Variants in AAGAB observed in about 807,000 individuals in gnomAD.
The protein encoded by AAGAB is alpha- and gamma-adaptin-binding protein p34.
A neutral mutation model predicts 44.1 loss-of-function variants in AAGAB; 38 were observed. That is an observed-to-expected ratio of 0.86 (90% confidence interval 0.67 to 1.13). The LOEUF is 1.13. Ranked by LOEUF, AAGAB falls within the 50% of genes most tolerant of loss-of-function variation. AAGAB has a pLI of 0.00. For synonymous variants in AAGAB, 131 were observed against 131.8 expected, an observed-to-expected ratio of 0.99 and a Z score of 0.04; for missense variants, 450 against 373.8, an observed-to-expected ratio of 1.20 and a Z score of -1.68.
chr15:67,237,099 A>G (rs1048984568), intron 1 of AAGAB, among the ~76,000 whole-genome samples: 1 of 152,180 alleles, frequency 6.6e-6, no homozygotes, highest in African/African-American at 2.4e-5. Flanking sequence ...ACAGTCATAT[A>G]ACCAAATATC....
Position 67,254,626 on chromosome 15 carries a change from A to C in AAGAB, c.6T>G (p.Ala2=). The part of the protein sequence containing the change: M[A]AGVPCALVTS... ...TGACTAACGCACAGGGTACGCCAGCAGCCATAGCTGCGCTCGCGAGCCGGT... is the reference window on the plus strand; with the variant it reads ...TGACTAACGCACAGGGTACGCCAGCCGCCATAGCTGCGCTCGCGAGCCGGT... The change falls in exon 1 of 10, where the codon GCT becomes GCG. Residue 2 remains alanine, a synonymous_variant. Coordinates refer to ENST00000261880, the MANE Select transcript of AAGAB (RefSeq NM_024666.5). 2 of 1,600,912 alleles carry C rather than the reference A, an allele frequency of 1.2e-6. No homozygotes were observed. Among genetic ancestry groups the C allele is most frequent in the Non-Finnish European group, 1.7e-6 (2 of 1,176,116 alleles).
In AAGAB at chr15:67,204,252, G is replaced by A. The variant is rs1451105555; in HGVS notation, c.716-104C>T. On this transcript the variant is annotated intron_variant, in intron 7 of 9. Transcript: ENST00000261880. ...AACCTTGATGAAGTCACCAATGATCGAAGGCCCAGTGTATACCAGCTTTAC... is the reference window on the plus strand; with the variant it reads ...AACCTTGATGAAGTCACCAATGATCAAAGGCCCAGTGTATACCAGCTTTAC... The A allele has an allele frequency of 2.7e-5, 20 of 754,234 alleles. No individual in the cohort carries two copies. The East Asian group carries it at 3.2e-4, about 12-fold the overall frequency. 46.7% of individuals were successfully genotyped at this position (754,234 alleles called of 1,614,324 possible).
chr15:67,239,783 T>C (rs1018219941), intron 1 of AAGAB, among the ~76,000 whole-genome samples: 2 of 152,254 alleles, frequency 1.3e-5, no homozygotes, highest in Non-Finnish European at 2.9e-5. Flanking sequence ...ACACTAAATA[T>C]AGCTTTCTTC....
intron 5 of AAGAB, 125 bp from the exon 6 acceptor site, chr15:67,209,669 T>G: frequency 1.3e-6 from 1 of 751,596 alleles, no homozygotes; most frequent in Non-Finnish European, 2.2e-6. Flanking sequence ...ATATATATTT[T>G]TGAGACAGGG....
chr15:67,236,833 G>T lies in AAGAB; in HGVS notation c.74-13C>A. The T allele has an allele frequency of 6.3e-7, 1 of 1,592,268 alleles. No homozygotes were observed. ...GTTCCAAGGATATCTAAAAATAAAT[G>T]ACAACATTACCATGTAAAGTGCAAA... On this transcript the variant is annotated splice_polypyrimidine_tract_variant and intron_variant, in intron 1 of 9. Transcript: ENST00000261880.
At chr15:67,219,834 A>G (rs1317522522) in intron 5 of AAGAB, among the ~76,000 whole-genome samples, 1 of 152,248 alleles carries the variant, frequency 6.6e-6, no homozygotes, top group African/African-American at 2.4e-5. Flanking sequence ...GTTCTAAGTT[A>G]ATATAGAAGT....
chr15:67,222,242 G>GCGCACACACACACACACACACACACACA (rs1367738219), intron 5 of AAGAB, among the ~76,000 whole-genome samples: 4 of 90,126 alleles, frequency 4.4e-5, no homozygotes, highest in African/African-American at 7.5e-5. Flanking sequence ...GCGCGCGCGC[G>GCGCACACACACACACACACACACACACA]CACACACACA....
intron 1 of AAGAB, among the ~76,000 whole-genome samples, chr15:67,238,994 C>T (rs754764679): frequency 6.6e-6 from 1 of 152,188 alleles, no homozygotes; most frequent in Non-Finnish European, 1.5e-5. Context: ...CATGCCCACC[C>T]ATTCTTGGGT....
At chr15:67,220,091 C>T (rs867524346) in intron 5 of AAGAB, among the ~76,000 whole-genome samples, 4 of 152,136 alleles carry the variant, frequency 2.6e-5, no homozygotes, top group African/African-American at 7.2e-5. Context: ...AAGGAATGCA[C>T]GAGTTTTAAA....
Position 67,201,167 on chromosome 15 carries a change from C to T in AAGAB, c.*1654G>A, listed in dbSNP as rs922689190. On this transcript the variant is annotated 3_prime_UTR_variant, in exon 10 of 10. Transcript: ENST00000261880. ...AAAACCTTCCATCTTTTAAGGAAAA[C>T]ATGTTCCACCTTTTTTTTTTTTTTG... is the stretch of plus-strand genomic sequence containing the variant. The T allele has an allele frequency of 6.7e-6, 1 of 149,742 alleles. No homozygotes were observed. The highest frequency in any genetic ancestry group is 1.5e-5 in the Non-Finnish European group (1 of 67,538). The allele number at this position is 149,742 out of a possible 1,614,324, so 9.3% of individuals were successfully genotyped here. A position where few individuals can be genotyped will look rare whatever the true frequency, so the allele number is the denominator to read the frequency against.
Position 67,202,476 on chromosome 15 carries a change from T to C in AAGAB, c.*345A>G, listed in dbSNP as rs186154063. On this transcript the variant is annotated 3_prime_UTR_variant, in exon 10 of 10. Transcript: ENST00000261880. Reference sequence around the variant, plus strand: ...TATCAAGTGTGAATGCTGGAAATGCTACTTAAAAGGTTGACCAGGAATGGC... The same window carrying C: ...TATCAAGTGTGAATGCTGGAAATGCCACTTAAAAGGTTGACCAGGAATGGC... 8 of 225,544 alleles carry C rather than the reference T, an allele frequency of 3.5e-5. No homozygotes were observed. The East Asian group carries it at 5.5e-4, about 16-fold the overall frequency. 14.0% of individuals were successfully genotyped at this position (225,544 alleles called of 1,614,324 possible). A position where few individuals can be genotyped will look rare whatever the true frequency, so the allele number is the denominator to read the frequency against.
At chr15:67,225,590 C>T (rs1033452385) in intron 5 of AAGAB, among the ~76,000 whole-genome samples, 1 of 152,210 alleles carries the variant, frequency 6.6e-6, no homozygotes, top group Non-Finnish European at 1.5e-5. Context: ...CACTAATCTA[C>T]TTTCTATCTT....
upstream of AAGAB, chr15:67,255,000 GCGAGGTC>G: frequency 6.5e-7 from 1 of 1,549,094 alleles, no homozygotes; most frequent in East Asian, 2.3e-5. Context: ...CCACTTCCGA[GCGAGGTC>G]CCGCGCGCCG....
chr15:67,254,925 C>G (rs997305878), upstream of AAGAB: 1 of 1,613,752 alleles, frequency 6.2e-7, no homozygotes, highest in Admixed American at 1.7e-5. Flanking sequence ...AACCACGACC[C>G]TGTCGGATCC....
chr15:67,222,271 CA>C (rs1567021050), intron 5 of AAGAB, among the ~76,000 whole-genome samples: 5 of 151,050 alleles, frequency 3.3e-5, no homozygotes, highest in South Asian at 2.1e-4. Context: ...CACACACACA[CA>C]CACACACACA....
rs144524936 is a variant in AAGAB at position 67,224,120 on chromosome 15, T to C, written c.535+7694A>G. Among the ~76,000 whole-genome samples, 51 of 152,348 alleles carry C rather than the reference T, an allele frequency of 3.3e-4. No individual in the cohort carries two copies. In the East Asian group the frequency reaches 7.7e-3, roughly 23 times the overall value. The stretch of plus-strand genomic sequence containing the variant: ...AATTGCTTGTATTGTTTATTGACTA[T>C]AGTCTCCCACCAGAATGAAAGCTCC... On this transcript the variant is annotated intron_variant, in intron 5 of 9. Coordinates refer to ENST00000261880, the MANE Select transcript of AAGAB (RefSeq NM_024666.5).
Position 67,204,108 on chromosome 15 carries a change from A to C in AAGAB, c.756T>G (p.Leu252=), listed in dbSNP as rs1165187676. The part of the protein sequence containing the change: ...LDLDIQELAS[L]TTGGGDVENF... ...TCTCCACATCTCCTCCTCCAGTGGT[A>C]AGACTGGCTAATTCTTGAATATCCA... The change falls in exon 8 of 10, where the codon CTT becomes CTG. Residue 252 remains leucine (L), a synonymous_variant. Transcript: ENST00000261880. The C allele has an allele frequency of 3.7e-6, 6 of 1,612,220 alleles. No individual in the cohort carries two copies. The Admixed American group carries it at 6.7e-5, about 18-fold the overall frequency.
intron 5 of AAGAB, among the ~76,000 whole-genome samples, chr15:67,228,336 T>G (rs1168902874): frequency 6.6e-6 from 1 of 152,230 alleles, no homozygotes; most frequent in Non-Finnish European, 1.5e-5. Context: ...CTTCCTATGG[T>G]AAATGCTCAA....
At chr15:67,253,909 G>A (rs1464805672) in intron 1 of AAGAB, among the ~76,000 whole-genome samples, 1 of 152,166 alleles carries the variant, frequency 6.6e-6, no homozygotes, top group Non-Finnish European at 1.5e-5. Flanking sequence ...CCCTTTAGTA[G>A]AGTTGGCTTA....
Sources: allele counts gnomAD v4.1 joint callset (sites outside exome capture counted in the v4.1 genomes callset), GRCh38; gene constraint gnomAD v4.1.1; transcripts MANE v1.5; gene names NCBI Gene and HGNC (gene_info 2026-07-23, HGNC 2026-07-21).